GOLT1B: variants seen among roughly 807,000 people sequenced by gnomAD.
GOLT1B encodes the protein golgi transport 1B, also known as vesicle transport protein GOT1B.
GOLT1B carries 3 observed loss-of-function variants against 15.4 expected under a neutral mutation model. The ratio of observed to expected loss-of-function variants is 0.19; its 90% CI spans 0.09 to 0.50. GOLT1B has a LOEUF of 0.50. Among genes scored for constraint, GOLT1B ranks in the 20% least tolerant of loss-of-function variants. The pLI is 0.97. For synonymous variants in GOLT1B, 65 were observed against 56.2 expected, an observed-to-expected ratio of 1.16 and a Z score of -0.70; for missense variants, 145 against 160.4, an observed-to-expected ratio of 0.90 and a Z score of 0.52.
At chr12:21,503,007 GCCT>G (rs1456093930) in intron 1 of GOLT1B, among the ~76,000 whole-genome samples, 2 of 152,148 alleles carry the variant, frequency 1.3e-5, no homozygotes, top group African/African-American at 4.8e-5. Flanking sequence ...AGCTTCTAAG[GCCT>G]CCTACACACA....
At chr12:21,506,136 A>G (rs1401139761) in intron 1 of GOLT1B, among the ~76,000 whole-genome samples, 1 of 152,154 alleles carries the variant, frequency 6.6e-6, no homozygotes, top group Non-Finnish European at 1.5e-5. Context: ...CTAATGAAAC[A>G]TGAAAAACCT....
chr12:21,503,669 A>G (rs537649094), intron 1 of GOLT1B, among the ~76,000 whole-genome samples: 1 of 152,304 alleles, frequency 6.6e-6, no homozygotes, highest in South Asian at 2.1e-4. Flanking sequence ...TGAAACATAA[A>G]ACGATTAGTG....
chr12:21,512,688 C>CG, intron 4 of GOLT1B, among the ~76,000 whole-genome samples: 1 of 152,198 alleles, frequency 6.6e-6, no homozygotes, highest in South Asian at 2.1e-4. Flanking sequence ...TATATAATCT[C>CG]TAATTTTAGA....
rs184008563 is a variant in GOLT1B at position 21,507,444 on chromosome 12, A to G, written c.117+468A>G. 2.4e-3 allele frequency: 482 copies of G among 205,106 alleles called. 5 individuals carry two copies. The highest frequency in any genetic ancestry group is 0.011 in the African/African-American group (453 of 41,992). The allele number at this position is 205,106 out of a possible 1,614,324, so 12.7% of individuals were successfully genotyped here. On this transcript the variant is annotated intron_variant, in intron 2 of 4. Coordinates refer to ENST00000229314, the MANE Select transcript of GOLT1B (RefSeq NM_016072.5). ...ATGTTGTTTATTTGGAATGTGTACT[A>G]TGCTATTCATGTGTGGAGGTTATGA...
At chr12:21,502,006 G>A in intron 1 of GOLT1B, 58 bp downstream of exon 1, 1 of 1,276,944 alleles carries the variant, frequency 7.8e-7, no homozygotes, top group South Asian at 1.2e-5. Context: ...GCCCGGCTGG[G>A]TCTCGCCCCT....
chr12:21,509,318 G>A (rs1460972872), intron 3 of GOLT1B, among the ~76,000 whole-genome samples: 1 of 126,912 alleles, frequency 7.9e-6, no homozygotes, highest in Non-Finnish European at 1.6e-5. Context: ...CGAATTGTTT[G>A]AACCTGGGAG....
intron 3 of GOLT1B, among the ~76,000 whole-genome samples, chr12:21,509,213 G>C (rs1309804781): frequency 6.6e-6 from 1 of 151,754 alleles, no homozygotes; most frequent in African/African-American, 2.4e-5. Flanking sequence ...AGCCTGGCCA[G>C]CATGATGAAA....
rs771945009 is a variant in GOLT1B at position 21,512,334 on chromosome 12, G to A, written c.336G>A (p.Val112=). Residue 112 remains valine (V), a synonymous_variant, in exon 4 of 5, where the codon GTG becomes GTA. Transcript: ENST00000229314. ...TCGTTGTTGGCTTTATTAGAAGAGT[G>A]CCAGTCCTTGGATCCCTCCTAAATT... ...FPVVVGFIRR[V]PVLGSLLNLP... is the part of the protein sequence containing the mutation. The A allele has an allele frequency of 1.1e-5, 17 of 1,579,396 alleles. No individual in the cohort carries two copies. Among genetic ancestry groups the A allele is most frequent in the South Asian group, 5.5e-5 (5 of 90,154 alleles).
At chr12:21,510,262 A>G (rs968868068) in intron 3 of GOLT1B, among the ~76,000 whole-genome samples, 3 of 152,216 alleles carry the variant, frequency 2.0e-5, no homozygotes, top group African/African-American at 7.2e-5. Flanking sequence ...AACTAGGAGT[A>G]AAGATCATAG....
intron 3 of GOLT1B, among the ~76,000 whole-genome samples, chr12:21,510,689 G>T (rs1943713248): frequency 1.3e-5 from 2 of 152,048 alleles, no homozygotes; most frequent in South Asian, 2.1e-4. Context: ...ATGATCTTTT[G>T]AATTCATTAC....
rs139088027 is a variant in GOLT1B, at chr12:21,512,637, CCTTTCT to C, written c.378+266_378+271del. On this transcript the variant is annotated intron_variant, in intron 4 of 4. Transcript: ENST00000229314. ...TACTCAGATTTGATATGCTATGCTA[CCTTTCT>C]CTTTGAGAGTTCAGGGCATTTTTTA... 7.8e-3 allele frequency among the ~76,000 whole-genome samples: 1,180 copies of C among 152,194 alleles called. 14 individuals carry two copies. Among genetic ancestry groups the C allele is most frequent in the African/African-American group, 0.027 (1,131 of 41,524 alleles).
In GOLT1B at chr12:21,508,487, T is replaced by C; in HGVS notation, c.222T>C (p.Gly74=). The C allele has an allele frequency of 1.3e-6, 2 of 1,588,926 alleles. No homozygotes were observed. The highest frequency in any genetic ancestry group is 1.7e-6 in the Non-Finnish European group (2 of 1,158,366). ...KMKATGFFLG[G]VFVVLIGWPL... ...AAGCTACAGGTTTTTTTCTGGGTGG[T>C]GTATTTGTAGTCCTTATTGGTTGGC... The change falls in exon 3 of 5, where the codon GGT becomes GGC. Residue 74 remains glycine, a synonymous_variant. Coordinates refer to ENST00000229314, the MANE Select transcript of GOLT1B (RefSeq NM_016072.5).
intron 1 of GOLT1B, chr12:21,504,726 TAAAG>T (rs143010879): frequency 0.029 from 11,972 of 410,824 alleles, 231 homozygotes; most frequent in Non-Finnish European, 0.039. Flanking sequence ...ACAATTTTGT[TAAAG>T]AAATTATAAA....
chr12:21,513,874 C>T (rs1238218701), intron 4 of GOLT1B, among the ~76,000 whole-genome samples: 1 of 152,188 alleles, frequency 6.6e-6, no homozygotes, highest in African/African-American at 2.4e-5. Context: ...AGGGCAGAGA[C>T]AGGTTGTATT....
At position 21,512,275 on chromosome 12, in the gene GOLT1B, C is replaced by CT. The variant is rs755440639; in HGVS notation, c.297-12dup. ...TAGAAAATGTGTAAATATTAAGAACCTTTTTTTTCCCTCTCCCAGGGGCTT... is the reference window on the plus strand; with the variant it reads ...TAGAAAATGTGTAAATATTAAGAACCTTTTTTTTTCCCTCTCCCAGGGGCTT... On this transcript the variant is annotated intron_variant, in intron 3 of 4. Coordinates refer to ENST00000229314, the MANE Select transcript of GOLT1B (RefSeq NM_016072.5). 1.9e-4 allele frequency: 243 copies of CT among 1,288,730 alleles called. No individual in the cohort carries two copies. Among genetic ancestry groups the CT allele is most frequent in the Non-Finnish European group, 2.4e-4 (217 of 897,468 alleles). The allele number at this position is 1,288,730 out of a possible 1,614,324, so 79.8% of individuals were successfully genotyped here.
chr12:21,510,914 C>T (rs1310046513), intron 3 of GOLT1B, among the ~76,000 whole-genome samples: 1 of 152,112 alleles, frequency 6.6e-6, no homozygotes, highest in Non-Finnish European at 1.5e-5. Flanking sequence ...TTTCTGTACT[C>T]GTCTTACCAC....
At position 21,517,667 on chromosome 12, in the gene GOLT1B, T is replaced by A. The variant is rs538856335; in HGVS notation, c.*1960T>A. The A allele has an allele frequency of 6.6e-6, 1 of 152,240 alleles. No individual in the cohort carries two copies. Among genetic ancestry groups the A allele is most frequent in the African/African-American group, 2.4e-5 (1 of 41,576 alleles). The allele number at this position is 152,240 out of a possible 1,614,324, so 9.4% of individuals were successfully genotyped here. On this transcript the variant is annotated 3_prime_UTR_variant, in exon 5 of 5. Transcript: ENST00000229314. ...TTCAATAATCTTAATTCAAAAGCAT[T>A]ATTAGACTTGAAAGGGTTTGATAAT...
At chr12:21,504,057 T>C (rs1943660610) in intron 1 of GOLT1B, among the ~76,000 whole-genome samples, 2 of 152,258 alleles carry the variant, frequency 1.3e-5, no homozygotes, top group Non-Finnish European at 2.9e-5. Flanking sequence ...AATGCTGCTT[T>C]TAAAAAATTG....
chr12:21,507,076 T>A, intron 2 of GOLT1B, 100 bp downstream of exon 2: 2 of 678,670 alleles, frequency 2.9e-6, no homozygotes, highest in Non-Finnish European at 5.4e-6. Context: ...AATTCACTAT[T>A]ACTCATAAGT....
Sources: gnomAD v4.1 joint callset for allele counts (sites outside exome capture counted in the v4.1 genomes callset) on GRCh38, gnomAD v4.1.1 for gene constraint, MANE v1.5 for transcripts, NCBI Gene and HGNC (gene_info 2026-07-23, HGNC 2026-07-21) for gene names.